Variants in ADGRL1 observed in about 807,000 individuals in gnomAD.
ADGRL1 encodes CIRL-1.
A neutral mutation model predicts 148.9 loss-of-function variants in ADGRL1; 31 were observed. The ratio of observed to expected loss-of-function variants is 0.21; its 90% CI spans 0.16 to 0.28. ADGRL1 has a LOEUF of 0.28. Ranked by LOEUF, ADGRL1 falls within the 10% of genes least tolerant of loss-of-function variation. ADGRL1 has a pLI of 1.00. For missense variants in ADGRL1, 1,521 were observed against 2,058.8 expected (o/e 0.74, Z 5.05); for synonymous variants, 937 against 900.3 (o/e 1.04, Z -0.73).
rs1222134453 is a variant in ADGRL1, at chr19:14,162,029, CTT to C, written c.1196-405_1196-404del. Among the ~76,000 whole-genome samples the C allele has an allele frequency of 6.6e-6, 1 of 152,156 alleles. No homozygotes were observed. Among genetic ancestry groups the C allele is most frequent in the Non-Finnish European group, 1.5e-5 (1 of 68,012 alleles). ...CGCCCCCCATCCTCGTTCTAGCTGA[CTT>C]TGGCTTATGTAACCTGGCTATGCTC... On this transcript the variant is annotated intron_variant, in intron 5 of 22. Coordinates refer to ENST00000361434, the MANE Select transcript of ADGRL1 (RefSeq NM_014921.5). The surrounding 1 kb of genome is among the most constrained non-coding windows in gnomAD (Gnocchi z 5.4).
intron 1 of ADGRL1, among the ~76,000 whole-genome samples, chr19:14,201,667 C>T (rs1599529385): frequency 6.6e-6 from 1 of 152,260 alleles, no homozygotes; most frequent in East Asian, 1.9e-4. Flanking sequence ...CCTCCCACCT[C>T]GGCTTCCCAA....
Position 14,152,193 on chromosome 19 carries a change from G to C in ADGRL1, c.3650-43C>G. The stretch of plus-strand genomic sequence containing the variant: ...AAGAGAGAAGAGAAAAGGCAAGGAT[G>C]AGCTCGAAATGCAAGTCCAGGCTCC... On this transcript the variant is annotated intron_variant, in intron 21 of 22. Coordinates refer to ENST00000361434, the MANE Select transcript of ADGRL1 (RefSeq NM_014921.5). The surrounding 1 kb of genome is among the most constrained non-coding windows in gnomAD (Gnocchi z 6.1). 1 of 1,614,088 alleles carries C rather than the reference G, an allele frequency of 6.2e-7. No individual in the cohort carries two copies. Among genetic ancestry groups the C allele is most frequent in the Non-Finnish European group, 8.5e-7 (1 of 1,180,014 alleles).
At chr19:14,182,921 G>A (rs1971299520) in intron 2 of ADGRL1, among the ~76,000 whole-genome samples, 1 of 152,182 alleles carries the variant, frequency 6.6e-6, no homozygotes, top group African/African-American at 2.4e-5. Context: ...TGGGCAGGGG[G>A]CACATCCCAG....
At chr19:14,199,326 T>C (rs1296874098) in intron 1 of ADGRL1, among the ~76,000 whole-genome samples, 1 of 152,082 alleles carries the variant, frequency 6.6e-6, no homozygotes, top group Non-Finnish European at 1.5e-5. Flanking sequence ...ACTGAGGGGC[T>C]GGGTACAAAA....
chr19:14,197,799 C>A (rs1254133639), intron 1 of ADGRL1, among the ~76,000 whole-genome samples: 2 of 152,108 alleles, frequency 1.3e-5, no homozygotes, highest in African/African-American at 4.8e-5. Context: ...TGTTGCATAC[C>A]CAACCCTGGG....
rs1967970750 is a variant in ADGRL1 at position 14,149,781 on chromosome 19, C to A, written c.*1092G>T. 1 of 152,470 alleles carries A rather than the reference C, an allele frequency of 6.6e-6. No individual in the cohort carries two copies. Among genetic ancestry groups the A allele is most frequent in the Non-Finnish European group, 1.5e-5 (1 of 67,968 alleles). 9.4% of individuals were successfully genotyped at this position (152,470 alleles called of 1,614,324 possible). ...AAAAGCTGCTCTGGCGGCCCGCCCG[C>A]CCCGGCGGGGACTGGGGATGCACGT... On this transcript the variant is annotated 3_prime_UTR_variant, in exon 23 of 23. Coordinates refer to ENST00000361434, the MANE Select transcript of ADGRL1 (RefSeq NM_014921.5).
At position 14,162,616 on chromosome 19, in the gene ADGRL1, G is replaced by A. The variant is rs760857729; in HGVS notation, c.1185C>T (p.Asp395=). The change falls in exon 5 of 23, where the codon GAC becomes GAT. Residue 395 remains aspartate, a synonymous_variant. Transcript: ENST00000361434. The surrounding 1 kb of genome is among the most constrained non-coding windows in gnomAD (Gnocchi z 5.4). ...VRYSLEFGPP[D]PSAGPATSPP... Reference sequence around the variant, plus strand: ...GTGAGTCGTCCTCACCAGCACTGGGGTCGGGCGGCCCGAACTCCAGGCTGT... The same window carrying A: ...GTGAGTCGTCCTCACCAGCACTGGGATCGGGCGGCCCGAACTCCAGGCTGT... 7.3e-5 allele frequency: 118 copies of A among 1,605,506 alleles called. No homozygotes were observed. The highest frequency in any genetic ancestry group is 9.7e-5 in the Non-Finnish European group (114 of 1,173,984).
rs1969489709 is a variant in ADGRL1 at position 14,162,429 on chromosome 19, C to T, written c.1195+177G>A. Among the ~76,000 whole-genome samples, 5 of 152,164 alleles carry T rather than the reference C, an allele frequency of 3.3e-5. No individual in the cohort carries two copies. Among genetic ancestry groups the T allele is most frequent in the Admixed American group, 6.5e-5 (1 of 15,278 alleles). On this transcript the variant is annotated intron_variant, in intron 5 of 22. Coordinates refer to ENST00000361434, the MANE Select transcript of ADGRL1 (RefSeq NM_014921.5). The surrounding 1 kb of genome is among the most constrained non-coding windows in gnomAD (Gnocchi z 5.4). ...CCCTGTGTCATAGACCGTGAGGAGA[C>T]GAGTTAATGACTGTGAAGTGCTTAG...
Position 14,157,238 on chromosome 19 carries a change from A to G in ADGRL1, c.2745+13T>C. ...AGGCGCTGGCCGTCACCTGCCCTAGAGTCCCAGCCCACCTCATACTGAGTC... is the reference window on the plus strand; with the variant it reads ...AGGCGCTGGCCGTCACCTGCCCTAGGGTCCCAGCCCACCTCATACTGAGTC... On this transcript the variant is annotated intron_variant, in intron 14 of 22. Coordinates refer to ENST00000361434, the MANE Select transcript of ADGRL1 (RefSeq NM_014921.5). This position sits in a 1 kb window ranked among gnomAD's most constrained non-coding sequence, Gnocchi z 7.5. 1 of 1,614,000 alleles carries G rather than the reference A, an allele frequency of 6.2e-7. No individual in the cohort carries two copies. Among genetic ancestry groups the G allele is most frequent in the Non-Finnish European group, 8.5e-7 (1 of 1,179,984 alleles).
rs1186126555 is a variant in ADGRL1, at chr19:14,183,475, TG to T, written c.70+57del. On this transcript the variant is annotated intron_variant, in intron 2 of 22. Coordinates refer to ENST00000361434, the MANE Select transcript of ADGRL1 (RefSeq NM_014921.5). ...TCAGGAGGGTTTTCAACATTTTATC[TG>T]CCCCCCCCAGAAGGGTTTGGGAGCC... 3.0e-5 allele frequency: 40 copies of T among 1,312,366 alleles called. No individual in the cohort carries two copies. In the Middle Eastern group the frequency reaches 7.3e-4, roughly 24 times the overall value. 81.3% of individuals were successfully genotyped at this position (1,312,366 alleles called of 1,614,324 possible). A position where few individuals can be genotyped will look rare whatever the true frequency, so the allele number is the denominator to read the frequency against.
intron 3 of ADGRL1, 34 bp from the exon 4 acceptor site, chr19:14,170,825 C>CA (rs1286884689): frequency 1.9e-6 from 2 of 1,079,240 alleles, no homozygotes. Context: ...GGGAAAGAAA[C>CA]ACATAGACGG....
At chr19:14,187,630 A>G (rs2420416) in intron 1 of ADGRL1, among the ~76,000 whole-genome samples, 44,716 of 135,118 alleles carry the variant, frequency 0.33, 7,219 homozygotes, top group African/African-American at 0.45. Context: ...AGACACGGCC[A>G]GTGTCACTTT....
chr19:14,196,439 T>G (rs1385987304), intron 1 of ADGRL1, among the ~76,000 whole-genome samples: 1 of 152,152 alleles, frequency 6.6e-6, no homozygotes, highest in Non-Finnish European at 1.5e-5. Flanking sequence ...GGGAACATAG[T>G]GAAACCTTGT....
chr19:14,150,808 A>C lies in ADGRL1; in HGVS notation c.*65T>G, dbSNP rs1599375794. 3.8e-6 allele frequency: 6 copies of C among 1,561,870 alleles called. No individual in the cohort carries two copies. The highest frequency in any genetic ancestry group is 5.2e-6 in the Non-Finnish European group (6 of 1,156,240). ...CTGCCTCCATCTGTCTCCCTCTCCC[A>C]CCAGAGCCCTGCCCAGGGTTCCCTC... On this transcript the variant is annotated 3_prime_UTR_variant, in exon 23 of 23. Transcript: ENST00000361434.
chr19:14,157,800 G>A lies in ADGRL1; in HGVS notation c.2535+82C>T. The A allele has an allele frequency of 6.6e-7, 1 of 1,513,136 alleles. No individual in the cohort carries two copies. The highest frequency in any genetic ancestry group is 8.9e-7 in the Non-Finnish European group (1 of 1,120,062). 93.7% of individuals were successfully genotyped at this position (1,513,136 alleles called of 1,614,324 possible). On this transcript the variant is annotated intron_variant, in intron 13 of 22. Transcript: ENST00000361434. The surrounding 1 kb of genome is among the most constrained non-coding windows in gnomAD (Gnocchi z 7.5). The stretch of plus-strand genomic sequence containing the variant: ...CATGGGGCTAGCCTCCCCTGGTACT[G>A]CCCGTGATCTCTCTAGGATGCCATG...
rs747975129 is a variant in ADGRL1, at chr19:14,158,317, GA to G, written c.2364+20del. The G allele has an allele frequency of 6.2e-7, 1 of 1,603,370 alleles. No homozygotes were observed. The highest frequency in any genetic ancestry group is 2.2e-5 in the East Asian group (1 of 44,846). On this transcript the variant is annotated intron_variant, in intron 12 of 22. Coordinates refer to ENST00000361434, the MANE Select transcript of ADGRL1 (RefSeq NM_014921.5). ...GAGGGTACAGGGACCCCCATGGAGG[GA>G]GGGGGACGGCTCAGCTCACCTCCAG...
intron 1 of ADGRL1, among the ~76,000 whole-genome samples, chr19:14,204,704 C>CAGAGAGAGGGAG (rs1568248291): frequency 9.3e-6 from 1 of 107,634 alleles, no homozygotes; most frequent in African/African-American, 4.5e-5. Context: ...TAGAGAAAGA[C>CAGAGAGAGGGAG]AGAGAGAGTG....
Position 14,177,646 on chromosome 19 carries a change from T to C in ADGRL1, c.169A>G (p.Met57Val), listed in dbSNP as rs750923882. 2 of 1,614,216 alleles carry C rather than the reference T, an allele frequency of 1.2e-6. No individual in the cohort carries two copies. The highest frequency in any genetic ancestry group is 1.7e-5 in the Admixed American group (1 of 60,032). Residue 57 changes from methionine to valine, a missense_variant, in exon 3 of 23, where the codon ATG (methionine) becomes GTG (valine). Physicochemically the swap from Met to Val is conservative, Grantham distance 21. This residue lies in a region of ADGRL1 where 334 missense variants were observed against 512.5 expected (regional missense o/e 0.65). Transcript: ENST00000361434. The stretch of plus-strand genomic sequence containing the variant: ...CGCCCGTAGTTGGCATTCTCCACCA[T>C]GATGACGTCGCTGCCGGGGCACCGC... The part of the protein sequence containing the change: ...ELRCPGSDVI[M>V]VENANYGRTD...
At position 14,162,846 on chromosome 19, in the gene ADGRL1, C is replaced by G; in HGVS notation, c.955G>C (p.Val319Leu). Residue 319 changes from valine to leucine, a missense_variant, in exon 5 of 23, where the codon GTC becomes CTC. This residue lies in a region of ADGRL1 where 334 missense variants were observed against 512.5 expected (regional missense o/e 0.65). Transcript: ENST00000361434. The surrounding 1 kb of genome is among the most constrained non-coding windows in gnomAD (Gnocchi z 5.4). The stretch of plus-strand genomic sequence containing the variant: ...TACACGGAACGCAGGACGTACAGGA[C>G]CCCACACACCATGAAGGCGTTGGAT... ...SASNAFMVCG[V>L]LYVLRSVYVD... The G allele has an allele frequency of 6.2e-7, 1 of 1,614,090 alleles. No homozygotes were observed. The highest frequency in any genetic ancestry group is 8.5e-7 in the Non-Finnish European group (1 of 1,180,010).
Sources: gnomAD v4.1 joint callset for allele counts (sites outside exome capture counted in the v4.1 genomes callset) on GRCh38, gnomAD v4.1.1 for gene constraint, gnomAD v4.1.1 regional missense constraint, Gnocchi (gnomAD v3.1) non-coding constraint, MANE v1.5 for transcripts, NCBI Gene and HGNC (gene_info 2026-07-23, HGNC 2026-07-21) for gene names.